The following DLG2 variants were observed in gnomAD, a reference collection of about 807,000 sequenced individuals.
The protein encoded by DLG2 is disks large homolog 2.
DLG2 carries 45 observed loss-of-function variants against 132.5 expected under a neutral mutation model. The ratio of observed to expected loss-of-function variants is 0.34; its 90% CI spans 0.27 to 0.44. DLG2 has a LOEUF of 0.44. Among genes scored for constraint, DLG2 ranks in the 20% least tolerant of loss-of-function variants. DLG2 has a pLI of 1.00. For synonymous variants in DLG2, 424 were observed against 419.6 expected, an observed-to-expected ratio of 1.01 and a Z score of -0.13; for missense variants, 1,045 against 1,196.9, an observed-to-expected ratio of 0.87 and a Z score of 1.87.
intron 7 of DLG2, among the ~76,000 whole-genome samples, chr11:84,336,781 C>T (rs1012632331): frequency 6.6e-6 from 1 of 152,108 alleles, no homozygotes; most frequent in Admixed American, 6.5e-5. Flanking sequence ...TCAAGGGATG[C>T]AGAACATGGC....
At chr11:84,877,512 C>CTTTTTTTTTTT (rs60339036) in intron 6 of DLG2, among the ~76,000 whole-genome samples, 9 of 57,452 alleles carry the variant, frequency 1.6e-4, no homozygotes, top group African/African-American at 3.0e-4. Flanking sequence ...GCAACCCCTG[C>CTTTTTTTTTTT]TTTTTTTTTT....
intron 9 of DLG2, among the ~76,000 whole-genome samples, chr11:84,136,265 T>C (rs1224987706): frequency 6.6e-6 from 1 of 152,136 alleles, no homozygotes; most frequent in African/African-American, 2.4e-5. Flanking sequence ...ATGACTTTCA[T>C]AGAAGTTATC....
At chr11:84,740,433 G>C (rs1221250505) in intron 6 of DLG2, among the ~76,000 whole-genome samples, 1 of 152,152 alleles carries the variant, frequency 6.6e-6, no homozygotes, top group Non-Finnish European at 1.5e-5. Flanking sequence ...AGAGATGCTG[G>C]AAATTCATGC....
intron 6 of DLG2, among the ~76,000 whole-genome samples, chr11:84,988,451 G>T (rs1039021202): frequency 6.6e-6 from 1 of 152,206 alleles, no homozygotes; most frequent in African/African-American, 2.4e-5. Flanking sequence ...TTGCAAAAAT[G>T]TGGAACCAAT....
intron 3 of DLG2, among the ~76,000 whole-genome samples, chr11:85,510,519 T>C (rs1286106326): frequency 1.3e-5 from 2 of 150,452 alleles, no homozygotes; most frequent in Admixed American, 1.3e-4. Context: ...CAAACAAATT[T>C]ACAAGAAAAA....
chr11:84,756,077 G>A (rs2066838849), intron 6 of DLG2, among the ~76,000 whole-genome samples: 1 of 152,094 alleles, frequency 6.6e-6, no homozygotes, highest in Admixed American at 6.5e-5. Flanking sequence ...GAATAAAGCT[G>A]GGGATATGCG....
chr11:84,102,333 G>A (rs1337988751), intron 9 of DLG2, among the ~76,000 whole-genome samples: 1 of 152,018 alleles, frequency 6.6e-6, no homozygotes, highest in African/African-American at 2.4e-5. Flanking sequence ...CTAGCACATA[G>A]TATTGACAAT....
At chr11:84,573,705 G>A (rs1057350477) in intron 6 of DLG2, among the ~76,000 whole-genome samples, 14 of 152,124 alleles carry the variant, frequency 9.2e-5, no homozygotes, top group African/African-American at 2.9e-4. Context: ...CAAATATTCA[G>A]TTTCTATTAA....
intron 6 of DLG2, among the ~76,000 whole-genome samples, chr11:85,056,472 G>A (rs905282359): frequency 1.3e-5 from 2 of 151,900 alleles, no homozygotes; most frequent in African/African-American, 4.8e-5. Flanking sequence ...AGCACTAAAA[G>A]ATTAAAAATT....
intron 6 of DLG2, among the ~76,000 whole-genome samples, chr11:84,769,030 A>G (rs2068850150): frequency 6.6e-6 from 1 of 152,192 alleles, no homozygotes; most frequent in Non-Finnish European, 1.5e-5. Context: ...TAGAAGTGCC[A>G]GTGTCTTCAG....
chr11:85,176,346 A>G (rs2079241679), intron 4 of DLG2, among the ~76,000 whole-genome samples: 1 of 152,222 alleles, frequency 6.6e-6, no homozygotes, highest in Non-Finnish European at 1.5e-5. Flanking sequence ...CAAACCTGAT[A>G]AAAACAAGCA....
At chr11:84,253,870 G>C (rs773938552) in intron 7 of DLG2, among the ~76,000 whole-genome samples, 11 of 152,068 alleles carry the variant, frequency 7.2e-5, no homozygotes, top group African/African-American at 2.4e-4. Flanking sequence ...CCAGTATCTA[G>C]GTGGTTCTAT....
chr11:84,671,497 G>T (rs528911280), intron 6 of DLG2, among the ~76,000 whole-genome samples: 41 of 152,162 alleles, frequency 2.7e-4, no homozygotes, highest in African/African-American at 8.9e-4. Context: ...ATGACAGTAG[G>T]GGGAGGAGAT....
intron 11 of DLG2, among the ~76,000 whole-genome samples, chr11:84,039,857 C>T (rs1566164128): frequency 2.0e-5 from 3 of 148,348 alleles, no homozygotes; most frequent in Admixed American, 1.4e-4. Context: ...GTGTTCCTAT[C>T]TCTCCACATC....
chr11:84,032,400 C>T (rs969538777), intron 11 of DLG2, among the ~76,000 whole-genome samples: 2 of 152,208 alleles, frequency 1.3e-5, no homozygotes, highest in East Asian at 3.8e-4. Context: ...AAACTAGCCA[C>T]ACCAGTCTCT....
chr11:83,984,192 TGATAGATAGATA>T (rs56166694), intron 11 of DLG2, among the ~76,000 whole-genome samples: 8,717 of 142,076 alleles, frequency 0.061, 309 homozygotes, highest in Middle Eastern at 0.11. Flanking sequence ...GATAGATAGA[TGATAGATAGATA>T]GATAGATAGA....
intron 3 of DLG2, among the ~76,000 whole-genome samples, chr11:85,291,640 A>G (rs2078900254): frequency 6.9e-6 from 1 of 145,910 alleles, no homozygotes; most frequent in Admixed American, 7.0e-5. Flanking sequence ...GTTGGAATGC[A>G]GCAGTGCAAT....
In DLG2 at chr11:84,991,560, AAGG is replaced by A. The variant is rs1045425442; in HGVS notation, c.357+120098_357+120100del. 2.3e-4 allele frequency among the ~76,000 whole-genome samples: 35 copies of A among 151,876 alleles called. No homozygotes were observed. In the East Asian group the frequency reaches 3.5e-3, roughly 15 times the overall value. On this transcript the variant is annotated intron_variant, in intron 6 of 27. Coordinates refer to ENST00000376104, the MANE Select transcript of DLG2 (RefSeq NM_001142699.3). The stretch of plus-strand genomic sequence containing the variant: ...GAAAGGAAGAAAGAAAAATAAAGAA[AAGG>A]AGGAGGAGGAGGAGAAAAACAAGAA...
chr11:84,899,216 AC>A (rs1417759749), intron 6 of DLG2, among the ~76,000 whole-genome samples: 6 of 152,064 alleles, frequency 3.9e-5, no homozygotes, highest in Non-Finnish European at 8.8e-5. Context: ...CAGATACAAA[AC>A]CCCCTCTAGT....
Sources: gnomAD v4.1 joint callset for allele counts (sites outside exome capture counted in the v4.1 genomes callset) on GRCh38, gnomAD v4.1.1 for gene constraint, MANE v1.5 for transcripts, NCBI Gene and HGNC (gene_info 2026-07-23, HGNC 2026-07-21) for gene names.